Variants in YTHDF3 observed in about 807,000 individuals in gnomAD.
The protein encoded by YTHDF3 is YTH N6-methyladenosine RNA binding protein F3.
YTHDF3 carries 9 observed loss-of-function variants against 52.5 expected under a neutral mutation model. The observed-to-expected ratio is 0.17, with a 90% CI of 0.10 to 0.30. The LOEUF (loss-of-function observed/expected upper bound fraction) is 0.30. Among genes scored for constraint, YTHDF3 ranks in the 10% least tolerant of loss-of-function variants. The pLI, the probability that YTHDF3 is intolerant of heterozygous loss-of-function variation, is 1.00. For missense variants in YTHDF3, 534 were observed against 715.0 expected (o/e 0.75, Z 2.89); for synonymous variants, 274 against 243.3 (o/e 1.13, Z -1.18).
At chr8:63,169,547 A>G in intron 2 of YTHDF3, 136 bp downstream of exon 2, 1 of 959,272 alleles carries the variant, frequency 1.0e-6, no homozygotes, top group Admixed American at 2.5e-5. Context: ...CATCATGGCT[A>G]AGGTAGCCAA....
chr8:63,169,334 T>C, intron 1 of YTHDF3, 53 bp from the exon 2 acceptor site: 2 of 1,568,048 alleles, frequency 1.3e-6, no homozygotes, highest in Non-Finnish European at 1.7e-6. Context: ...TAACACACTT[T>C]TTCTTTTCTT....
rs1810418968 is a variant in YTHDF3, at chr8:63,212,534, T to C, written c.*2828T>C. On this transcript the variant is annotated 3_prime_UTR_variant, in exon 5 of 5. Transcript: ENST00000539294. ...GAAATTTAAGAGAATTGTGTTTTCATTAAGTTTTGCATATCTTTTGTTATG... is the reference window on the plus strand; with the variant it reads ...GAAATTTAAGAGAATTGTGTTTTCACTAAGTTTTGCATATCTTTTGTTATG... The C allele has an allele frequency of 6.6e-6, 1 of 152,664 alleles. No homozygotes were observed. Among genetic ancestry groups the C allele is most frequent in the South Asian group, 2.1e-4 (1 of 4,836 alleles). 9.5% of individuals were successfully genotyped at this position (152,664 alleles called of 1,614,324 possible).
intron 4 of YTHDF3, among the ~76,000 whole-genome samples, chr8:63,200,186 A>G (rs765568984): frequency 6.6e-6 from 1 of 152,162 alleles, no homozygotes. Flanking sequence ...TAAGAGCCTC[A>G]GTTCCTTTTG....
Position 63,186,672 on chromosome 8 carries a change from G to A in YTHDF3, c.661G>A (p.Ala221Thr), listed in dbSNP as rs1808525302. The change falls in exon 4 of 5, where the codon GCA becomes ACA. Residue 221 changes from alanine (A) to threonine (T), a missense_variant. Around this residue, in one of 3 missense-constraint regions of YTHDF3, gnomAD observed 196 missense variants for 299.5 expected, o/e 0.65. Coordinates refer to ENST00000539294, the MANE Select transcript of YTHDF3 (RefSeq NM_152758.6). ...GAGCAGCAGTGGTATGACTAGCATT[G>A]CAACCAATAGTGTGCCCCCAGTTAG... ...ALSSSGMTSI[A>T]TNSVPPVSSA... The A allele has an allele frequency of 1.2e-6, 2 of 1,613,914 alleles. No individual in the cohort carries two copies. The highest frequency in any genetic ancestry group is 8.5e-7 in the Non-Finnish European group (1 of 1,179,878).
At chr8:63,205,744 T>G (rs563530069) in intron 4 of YTHDF3, among the ~76,000 whole-genome samples, 3 of 152,300 alleles carry the variant, frequency 2.0e-5, no homozygotes, top group Non-Finnish European at 4.4e-5. Flanking sequence ...GCTCATCATT[T>G]CTTAGTCTCA....
chr8:63,169,435 T>G (rs1217570738), intron 2 of YTHDF3, 24 bp downstream of exon 2: 3 of 1,574,688 alleles, frequency 1.9e-6, no homozygotes, highest in Non-Finnish European at 2.6e-6. Flanking sequence ...TTTTTTTTTC[T>G]TATTGCTCAA....
rs908105956 is a variant in YTHDF3 at position 63,205,436 on chromosome 8, C to CTTTT, written c.1735-4235_1735-4232dup. ...GCTCATCATTTCTTTCTTTTTCTTTCTTTTTTTTTTTTTTTGAGATGGGGT... is the reference window on the plus strand; with the variant it reads ...GCTCATCATTTCTTTCTTTTTCTTTCTTTTTTTTTTTTTTTTTTTGAGATGGGGT... On this transcript the variant is annotated intron_variant, in intron 4 of 4. Transcript: ENST00000539294. Among the ~76,000 whole-genome samples the CTTTT allele has an allele frequency of 5.2e-3, 721 of 139,684 alleles. 10 individuals are homozygous for CTTTT. The highest frequency in any genetic ancestry group is 0.018 in the African/African-American group (697 of 38,168). 91.6% of individuals were successfully genotyped at this position (139,684 alleles called of 152,430 possible). A position where few individuals can be genotyped will look rare whatever the true frequency, so the allele number is the denominator to read the frequency against.
chr8:63,178,066 T>G (rs1389602652), intron 3 of YTHDF3, among the ~76,000 whole-genome samples: 1 of 152,216 alleles, frequency 6.6e-6, no homozygotes, highest in African/African-American at 2.4e-5. Context: ...CCATTCAAAC[T>G]CTTTTTTAAG....
At chr8:63,194,494 ATAAAAG>A (rs1382672949) in intron 4 of YTHDF3, among the ~76,000 whole-genome samples, 1 of 152,074 alleles carries the variant, frequency 6.6e-6, no homozygotes, top group African/African-American at 2.4e-5. Flanking sequence ...TCAAAAAACA[ATAAAAG>A]TAAAAAAAAA....
At chr8:63,209,398 A>G (rs1204595159) in intron 4 of YTHDF3, among the ~76,000 whole-genome samples, 1 of 152,176 alleles carries the variant, frequency 6.6e-6, no homozygotes, top group East Asian at 1.9e-4. Context: ...GACTGAAAAG[A>G]TGTTATTATA....
At chr8:63,202,248 T>C (rs1455878877) in intron 4 of YTHDF3, among the ~76,000 whole-genome samples, 1 of 152,208 alleles carries the variant, frequency 6.6e-6, no homozygotes, top group Admixed American at 6.5e-5. Context: ...CCCTGATAAC[T>C]ATATAGTTTT....
intron 3 of YTHDF3, among the ~76,000 whole-genome samples, chr8:63,183,667 A>G (rs1404172984): frequency 2.0e-5 from 3 of 152,234 alleles, no homozygotes; most frequent in Non-Finnish European, 2.9e-5. Context: ...ATTTGCAGTT[A>G]GAGTTACTAA....
At chr8:63,209,405 T>C (rs1810243484) in intron 4 of YTHDF3, among the ~76,000 whole-genome samples, 1 of 152,192 alleles carries the variant, frequency 6.6e-6, no homozygotes, top group African/African-American at 2.4e-5. Flanking sequence ...AAGATGTTAT[T>C]ATATTCTCAT....
At chr8:63,185,235 T>G (rs963875115) in intron 3 of YTHDF3, among the ~76,000 whole-genome samples, 1 of 152,150 alleles carries the variant, frequency 6.6e-6, no homozygotes. Context: ...TAAAATACTT[T>G]AAAGTATTTT....
rs994951674 is a variant in YTHDF3 at position 63,210,168 on chromosome 8, A to G, written c.*462A>G. 1 of 153,558 alleles carries G rather than the reference A, an allele frequency of 6.5e-6. No individual in the cohort carries two copies. Among genetic ancestry groups the G allele is most frequent in the African/African-American group, 2.4e-5 (1 of 41,494 alleles). 9.5% of individuals were successfully genotyped at this position (153,558 alleles called of 1,614,324 possible). ...AGATTAAAAGCAAAATAATCATGCC[A>G]TATTTAGTCCTGGAGTTCAAGTCTA... On this transcript the variant is annotated 3_prime_UTR_variant, in exon 5 of 5. Coordinates refer to ENST00000539294, the MANE Select transcript of YTHDF3 (RefSeq NM_152758.6).
chr8:63,180,674 C>T (rs1363970712), intron 3 of YTHDF3, among the ~76,000 whole-genome samples: 1 of 152,228 alleles, frequency 6.6e-6, no homozygotes, highest in Non-Finnish European at 1.5e-5. Context: ...TGCACTCCAG[C>T]CTGGGCACCA....
intron 2 of YTHDF3, 181 bp downstream of exon 2, chr8:63,169,592 A>G (rs1025300581): frequency 1.5e-6 from 1 of 649,506 alleles, no homozygotes; most frequent in Non-Finnish European, 2.7e-6. Flanking sequence ...CGTTGCTTTG[A>G]AGCCACTTTA....
intron 4 of YTHDF3, among the ~76,000 whole-genome samples, chr8:63,196,976 A>G (rs1809281789): frequency 6.6e-6 from 1 of 152,214 alleles, no homozygotes; most frequent in South Asian, 2.1e-4. Context: ...TATGTCACAC[A>G]GGTTGGCATT....
chr8:63,184,659 G>A (rs748888010), intron 3 of YTHDF3, among the ~76,000 whole-genome samples: 16 of 152,180 alleles, frequency 1.1e-4, no homozygotes, highest in Non-Finnish European at 1.9e-4. Context: ...AAGCAGCCAC[G>A]AAATAGTGAC....
Sources: gnomAD v4.1 joint callset for allele counts (sites outside exome capture counted in the v4.1 genomes callset) on GRCh38, gnomAD v4.1.1 for gene constraint, gnomAD v4.1.1 regional missense constraint, MANE v1.5 for transcripts, NCBI Gene and HGNC (gene_info 2026-07-23, HGNC 2026-07-21) for gene names.